Variants in TERT observed in about 807,000 individuals in gnomAD.
The protein encoded by TERT is telomerase reverse transcriptase, also known as telomerase catalytic subunit.
A neutral mutation model predicts 104.0 loss-of-function variants in TERT; 42 were observed. The ratio of observed to expected loss-of-function variants is 0.40; its 90% CI spans 0.32 to 0.52. The LOEUF (loss-of-function observed/expected upper bound fraction) is 0.52, where lower values mean the gene tolerates loss of function less well. Ranked by LOEUF, TERT falls within the 20% of genes least tolerant of loss-of-function variation. The pLI, the probability that TERT is intolerant of heterozygous loss-of-function variation, is 0.43. For missense variants in TERT, 1,101 were observed against 1,610.3 expected, an observed-to-expected ratio of 0.68 and a Z score of 5.41; for synonymous variants, 781 against 725.6, an observed-to-expected ratio of 1.08 and a Z score of -1.23.
At position 1,280,254 on chromosome 5, in the gene TERT, C is replaced by T. The variant is rs746040728; in HGVS notation, c.1854G>A (p.Thr618=). The change falls in exon 4 of 16, where the codon ACG becomes ACA. Residue 618 remains threonine, a synonymous_variant. Coordinates refer to ENST00000310581, the MANE Select transcript of TERT (RefSeq NM_198253.3). ...GCTTGGGGATGAAGCGGAGTCTGGA[C>T]GTCAGCAGGGCGGGCCTGGCTTCCC... ...QHREARPALL[T]SRLRFIPKPD... The T allele has an allele frequency of 4.7e-5, 76 of 1,613,818 alleles. No individual in the cohort carries two copies. Among genetic ancestry groups the T allele is most frequent in the Middle Eastern group, 1.6e-4 (1 of 6,062 alleles).
chr5:1,272,074 C>A (rs965580636), intron 7 of TERT, 111 bp downstream of exon 7: 14 of 942,970 alleles, frequency 1.5e-5, no homozygotes, highest in Non-Finnish European at 2.4e-5. Context: ...AGCTCATTCC[C>A]CCCACTGCCC....
At chr5:1,294,718 T>C (rs765085430) in intron 1 of TERT, 52 bp from the exon 2 acceptor site, 6 of 1,573,600 alleles carry the variant, frequency 3.8e-6, no homozygotes, top group Non-Finnish European at 4.3e-6. Flanking sequence ...ATGTCGCTGG[T>C]TCCCCCCGGC....
chr5:1,291,309 G>A (rs183396623), intron 2 of TERT, among the ~76,000 whole-genome samples: 5,833 of 13,928 alleles, frequency 0.42, 1,187 homozygotes, highest in African/African-American at 0.46. Context: ...ACCCAGGGAC[G>A]GTGCCTCACT....
chr5:1,278,760 C>G lies in TERT; in HGVS notation c.2167G>C (p.Asp723His). 1.2e-6 allele frequency: 2 copies of G among 1,614,172 alleles called. No individual in the cohort carries two copies. Among genetic ancestry groups the G allele is most frequent in the Non-Finnish European group, 1.7e-6 (2 of 1,180,050 alleles). Reference sequence around the variant, plus strand: ...CTGGCGATGACCTCCGTGAGCCTGTCCTGGGGGATGGTGTCGTACGCGCCC... The same window carrying G: ...CTGGCGATGACCTCCGTGAGCCTGTGCTGGGGGATGGTGTCGTACGCGCCC... The part of the protein sequence containing the change: ...VTGAYDTIPQ[D>H]RLTEVIASII... Residue 723 changes from aspartate (D) to histidine (H), a missense_variant, in exon 6 of 16, where the codon GAC (aspartate) becomes CAC (histidine). Physicochemically the swap from Asp to His is moderately conservative, Grantham distance 81. Transcript: ENST00000310581.
rs1421869855 is a variant in TERT, at chr5:1,294,787, G to T, written c.203C>A (p.Ala68Asp). The T allele has an allele frequency of 2.0e-6, 3 of 1,528,556 alleles. No individual in the cohort carries two copies. Among genetic ancestry groups the T allele is most frequent in the Non-Finnish European group, 2.6e-6 (3 of 1,146,098 alleles). The allele number at this position is 1,528,556 out of a possible 1,614,324, so 94.7% of individuals were successfully genotyped here. The change falls in exon 1 of 16, where the codon GCC becomes GAC. Residue 68 changes from alanine (A) to aspartate (D), a missense_variant. By Grantham distance (126) the Ala-to-Asp change is moderately radical (BLOSUM62 -2). Coordinates refer to ENST00000310581, the MANE Select transcript of TERT (RefSeq NM_198253.3). ...VPWDARPPPA[A>D]PSFRQVSCLK... ...GAGGCCCACCTGGCGGAAGGAGGGGGCGGCGGGGGGCGGCCGTGCGTCCCA... is the reference window on the plus strand; with the variant it reads ...GAGGCCCACCTGGCGGAAGGAGGGGTCGGCGGGGGGCGGCCGTGCGTCCCA...
rs1749447676 is a variant in TERT at position 1,275,000 on chromosome 5, C to T, written c.2287-2720G>A. On this transcript the variant is annotated intron_variant, in intron 6 of 15. Transcript: ENST00000310581. The surrounding 1 kb of genome is among the most constrained non-coding windows in gnomAD (Gnocchi z 5.3). ...AGTCATGAAATGGAAAGACCCCTAG[C>T]GAGACCTGGAGAAGGAAAACGGAGG... is the stretch of plus-strand genomic sequence containing the variant. Among the ~76,000 whole-genome samples, 2 of 152,136 alleles carry T rather than the reference C, an allele frequency of 1.3e-5. No homozygotes were observed. Among genetic ancestry groups the T allele is most frequent in the South Asian group, 2.1e-4 (1 of 4,826 alleles).
chr5:1,265,267 C>T lies in TERT; in HGVS notation c.2655-675G>A, dbSNP rs868836583. On this transcript the variant is annotated intron_variant, in intron 10 of 15. Transcript: ENST00000310581. The surrounding 1 kb of genome is among the most constrained non-coding windows in gnomAD (Gnocchi z 6.9). ...CTGCGGCCTCTGCTGTGGCCCCGGG[C>T]GTCCCCCTGCCCTTCCTGTGGCCTG... is the stretch of plus-strand genomic sequence containing the variant. Among the ~76,000 whole-genome samples the T allele has an allele frequency of 6.6e-6, 1 of 152,132 alleles. No individual in the cohort carries two copies. Among genetic ancestry groups the T allele is most frequent in the Non-Finnish European group, 1.5e-5 (1 of 68,018 alleles).
chr5:1,291,947 T>C (rs1324755117), intron 2 of TERT, among the ~76,000 whole-genome samples: 1 of 152,178 alleles, frequency 6.6e-6, no homozygotes, highest in African/African-American at 2.4e-5. Context: ...GTGGTCCACC[T>C]GAGCCGCAGC....
chr5:1,283,427 C>T (rs1750201261), intron 2 of TERT, among the ~76,000 whole-genome samples: 1 of 145,788 alleles, frequency 6.9e-6, no homozygotes. Flanking sequence ...CGGACCTGCA[C>T]CATCCAGACA....
At position 1,279,790 on chromosome 5, in the gene TERT, G is replaced by A. The variant is rs1413066665; in HGVS notation, c.1951-320C>T. 7.2e-5 allele frequency among the ~76,000 whole-genome samples: 11 copies of A among 152,336 alleles called. No homozygotes were observed. The East Asian group carries it at 9.6e-4, about 13-fold the overall frequency. On this transcript the variant is annotated intron_variant, in intron 4 of 15. Transcript: ENST00000310581. ...GCAAGGTCCAGGATCCTCAGAGCCCGGTGGGCTCCTGGCAGTCGTGGCCTG... is the reference window on the plus strand; with the variant it reads ...GCAAGGTCCAGGATCCTCAGAGCCCAGTGGGCTCCTGGCAGTCGTGGCCTG...
chr5:1,283,118 C>G (rs1561205887), intron 2 of TERT: 2 of 337,096 alleles, frequency 5.9e-6, no homozygotes, highest in Middle Eastern at 1.1e-3. Context: ...CACCCCGGAC[C>G]TGCACCATCC....
intron 15 of TERT, among the ~76,000 whole-genome samples, chr5:1,254,118 C>A (rs1747538338): frequency 6.6e-6 from 1 of 152,164 alleles, no homozygotes; most frequent in African/African-American, 2.4e-5. Context: ...CAGAAGGCTC[C>A]CAAGCGTGGG....
chr5:1,266,360 C>T, intron 10 of TERT, 104 bp downstream of exon 10: 1 of 1,057,840 alleles, frequency 9.5e-7, no homozygotes, highest in Non-Finnish European at 1.4e-6. Flanking sequence ...AGAGAGAGGA[C>T]TTGGCAGAGA....
intron 6 of TERT, among the ~76,000 whole-genome samples, chr5:1,277,674 G>A (rs1345474794): frequency 1.3e-5 from 2 of 150,042 alleles, no homozygotes; most frequent in African/African-American, 2.5e-5. Context: ...GGACGGGGGG[G>A]TCTCCTGGGC....
rs1226120348 is a variant in TERT, at chr5:1,269,302, G to A, written c.2469-669C>T. On this transcript the variant is annotated intron_variant, in intron 8 of 15. Transcript: ENST00000310581. This position sits in a 1 kb window ranked among gnomAD's most constrained non-coding sequence, Gnocchi z 9.0. Reference sequence around the variant, plus strand: ...CTGTTATTTTCGGGAAGCGCTATAGGTGGTCACCTTAAAAAGAGGCTTTCC... The same window carrying A: ...CTGTTATTTTCGGGAAGCGCTATAGATGGTCACCTTAAAAAGAGGCTTTCC... Among the ~76,000 whole-genome samples the A allele has an allele frequency of 1.3e-5, 2 of 152,148 alleles. No homozygotes were observed. Among genetic ancestry groups the A allele is most frequent in the African/African-American group, 4.8e-5 (2 of 41,418 alleles).
chr5:1,260,142 C>T (rs1748119189), intron 12 of TERT, among the ~76,000 whole-genome samples: 1 of 152,198 alleles, frequency 6.6e-6, no homozygotes, highest in Admixed American at 6.5e-5. Context: ...CCCCTCAATA[C>T]ATGTTATGTG....
At chr5:1,275,707 C>A (rs373766401) in intron 6 of TERT, among the ~76,000 whole-genome samples, 7 of 152,100 alleles carry the variant, frequency 4.6e-5, no homozygotes, top group African/African-American at 1.5e-4. Flanking sequence ...TGTGTTACCC[C>A]ACTCATAAAA....
At position 1,279,038 on chromosome 5, in the gene TERT, G is replaced by A. The variant is rs762568498; in HGVS notation, c.2131-242C>T. On this transcript the variant is annotated intron_variant, in intron 5 of 15. Transcript: ENST00000310581. ...GAGCCGTTGCGGTTCCTTCTCTGAC[G>A]GAAACTGGAATCCAGTGGGACCCTC... Among the ~76,000 whole-genome samples the A allele has an allele frequency of 3.7e-4, 56 of 152,344 alleles. 1 individual carries two copies. Among genetic ancestry groups the A allele is most frequent in the Admixed American group, 5.9e-4 (9 of 15,314 alleles).
At position 1,268,631 on chromosome 5, in the gene TERT, G is replaced by T; in HGVS notation, c.2471C>A (p.Ser824Tyr). 6.2e-7 allele frequency: 1 copy of T among 1,610,662 alleles called. No homozygotes were observed. The highest frequency in any genetic ancestry group is 8.5e-7 in the Non-Finnish European group (1 of 1,177,812). The stretch of plus-strand genomic sequence containing the variant: ...CGGGATCCCCTGGCACTGGACGTAG[G>T]ACCTGGGGCGGGAAGACACAGGTGA... Reference protein sequence around the residue: ...CHHAVRIRGKSYVQCQGIPQG... With the variant: ...CHHAVRIRGKYYVQCQGIPQG... The change falls in exon 9 of 16, where the codon TCC becomes TAC. Residue 824 changes from serine (S) to tyrosine (Y), a missense_variant and splice_region_variant. Ser to Tyr is a moderately radical substitution (Grantham distance 144). Transcript: ENST00000310581. The surrounding 1 kb of genome is among the most constrained non-coding windows in gnomAD (Gnocchi z 5.5).
Sources: gnomAD v4.1 joint callset for allele counts (sites outside exome capture counted in the v4.1 genomes callset) on GRCh38, gnomAD v4.1.1 for gene constraint, Gnocchi (gnomAD v3.1) non-coding constraint, MANE v1.5 for transcripts, NCBI Gene and HGNC (gene_info 2026-07-23, HGNC 2026-07-21) for gene names.